CABIN1: variants seen among roughly 807,000 people sequenced by gnomAD.
CABIN1 encodes the protein calcineurin-binding protein cabin-1.
Under a neutral mutation model 227.7 loss-of-function variants are expected in CABIN1, and 133 were observed. The ratio of observed to expected loss-of-function variants is 0.58; its 90% CI spans 0.51 to 0.67. CABIN1 has a LOEUF of 0.67. Ranked by LOEUF, CABIN1 falls within the 30% of genes least tolerant of loss-of-function variation. CABIN1 has a pLI of 0.00. For synonymous variants in CABIN1, 1,086 were observed against 1,155.1 expected (o/e 0.94, Z 1.21); for missense variants, 2,408 against 2,852.5 (o/e 0.84, Z 3.55).
At chr22:24,053,071 CTTTT>C (rs911084108) in intron 8 of CABIN1, among the ~76,000 whole-genome samples, 9 of 146,276 alleles carry the variant, frequency 6.2e-5, no homozygotes, top group African/African-American at 2.3e-4. Context: ...TTTCTTTTTT[CTTTT>C]TTCTTTTTTT....
chr22:24,087,396 C>T, intron 22 of CABIN1, 56 bp from the exon 23 acceptor site: 1 of 1,605,618 alleles, frequency 6.2e-7, no homozygotes, highest in Non-Finnish European at 8.5e-7. Flanking sequence ...CTGTCATTAT[C>T]TTCCATGCTT....
chr22:24,050,057 G>A (rs1337451220), intron 7 of CABIN1, among the ~76,000 whole-genome samples: 1 of 152,096 alleles, frequency 6.6e-6, no homozygotes, highest in East Asian at 1.9e-4. Flanking sequence ...CAGCCCTCCA[G>A]CCCAGCCAAC....
At chr22:24,124,806 G>C (rs569468512) in intron 28 of CABIN1, among the ~76,000 whole-genome samples, 1 of 152,286 alleles carries the variant, frequency 6.6e-6, no homozygotes, top group East Asian at 1.9e-4. Context: ...CTGCTCAGCT[G>C]GGAGCTGAGC....
At position 24,178,254 on chromosome 22, in the gene CABIN1, C is replaced by G. The variant is rs1362271793; in HGVS notation, c.*58C>G. On this transcript the variant is annotated 3_prime_UTR_variant, in exon 37 of 37. Coordinates refer to ENST00000263119, the MANE Select transcript of CABIN1 (RefSeq NM_012295.4). ...GGGACCAGCCAGGCCTGGAATGCCC[C>G]CTGGGCAGGACCCTGGGCAGGACCA... 1.9e-6 allele frequency: 3 copies of G among 1,603,630 alleles called. No homozygotes were observed. Among genetic ancestry groups the G allele is most frequent in the Non-Finnish European group, 2.6e-6 (3 of 1,175,338 alleles).
chr22:24,142,726 C>T lies in CABIN1; in HGVS notation c.4746+8311C>T, dbSNP rs192817526. 4.6e-5 allele frequency among the ~76,000 whole-genome samples: 7 copies of T among 152,312 alleles called. No homozygotes were observed. In the East Asian group the frequency reaches 1.4e-3, roughly 29 times the overall value. On this transcript the variant is annotated intron_variant, in intron 29 of 36. Coordinates refer to ENST00000263119, the MANE Select transcript of CABIN1 (RefSeq NM_012295.4). Reference sequence around the variant, plus strand: ...TGGTCTCCACTCAATTCCTGGTGCCCCACACCACTCCAGGCTGCAAGCAGA... The same window carrying T: ...TGGTCTCCACTCAATTCCTGGTGCCTCACACCACTCCAGGCTGCAAGCAGA...
At chr22:24,029,099 A>G (rs1290107525) in intron 1 of CABIN1, among the ~76,000 whole-genome samples, 2 of 152,198 alleles carry the variant, frequency 1.3e-5, no homozygotes, top group Non-Finnish European at 2.9e-5. Flanking sequence ...GCTCATACCT[A>G]TAACAGCACT....
At chr22:24,160,163 C>G (rs1017616266) in intron 29 of CABIN1, among the ~76,000 whole-genome samples, 2 of 152,150 alleles carry the variant, frequency 1.3e-5, no homozygotes, top group African/African-American at 2.4e-5. Flanking sequence ...TGATTACATA[C>G]TCAGGTTGTC....
At chr22:24,013,007 C>T (rs998520235) in intron 1 of CABIN1, among the ~76,000 whole-genome samples, 2 of 151,734 alleles carry the variant, frequency 1.3e-5, no homozygotes, top group East Asian at 3.9e-4. Context: ...GTGATCCACC[C>T]GCCTCGGCCT....
At position 24,177,623 on chromosome 22, in the gene CABIN1, G is replaced by A; in HGVS notation, c.6325G>A (p.Ala2109Thr). The change falls in exon 36 of 37, where the codon GCC (alanine) becomes ACC (threonine). Residue 2109 changes from alanine (A) to threonine (T), a missense_variant. This residue lies in a region of CABIN1 where 714 missense variants were observed against 773.8 expected (regional missense o/e 0.92). Coordinates refer to ENST00000263119, the MANE Select transcript of CABIN1 (RefSeq NM_012295.4). This position sits in a 1 kb window ranked among gnomAD's most constrained non-coding sequence, Gnocchi z 4.4. Reference sequence around the variant, plus strand: ...CTCCAAGGCCCCCAGCAGTGGGAGTGCCCAGCCACCAGAGGGTCACCCAGG... The same window carrying A: ...CTCCAAGGCCCCCAGCAGTGGGAGTACCCAGCCACCAGAGGGTCACCCAGG... Reference protein sequence around the residue: ...ASSKAPSSGSAQPPEGHPGKP... With the variant: ...ASSKAPSSGSTQPPEGHPGKP... 1 of 1,613,240 alleles carries A rather than the reference G, an allele frequency of 6.2e-7. No homozygotes were observed. Among genetic ancestry groups the A allele is most frequent in the Non-Finnish European group, 8.5e-7 (1 of 1,179,658 alleles).
intron 8 of CABIN1, among the ~76,000 whole-genome samples, chr22:24,054,606 T>C (rs1159845453): frequency 6.6e-6 from 1 of 152,210 alleles, no homozygotes; most frequent in Non-Finnish European, 1.5e-5. Flanking sequence ...CAGGCCAAGA[T>C]GCTTATGGGG....
intron 30 of CABIN1, among the ~76,000 whole-genome samples, chr22:24,165,315 C>T (rs572328149): frequency 6.6e-6 from 1 of 152,346 alleles, no homozygotes; most frequent in South Asian, 2.1e-4. Flanking sequence ...GGCCTAAGGG[C>T]AACAGGCTGG....
chr22:24,121,258 G>A (rs997897117), intron 28 of CABIN1, among the ~76,000 whole-genome samples: 1 of 152,180 alleles, frequency 6.6e-6, no homozygotes, highest in African/African-American at 2.4e-5. Flanking sequence ...GCAGGAAGTG[G>A]CACTTCACAG....
In CABIN1 at chr22:24,035,479, G is replaced by A; in HGVS notation, c.-39G>A. Reference sequence around the variant, plus strand: ...GACTGGGGCAACCTTTGCCAGTGATGAGAAGTGATGCTCGTGGCAGTGCTG... The same window carrying A: ...GACTGGGGCAACCTTTGCCAGTGATAAGAAGTGATGCTCGTGGCAGTGCTG... On this transcript the variant is annotated 5_prime_UTR_variant, in exon 2 of 37. An upstream start codon of the reference 5' UTR is lost. Transcript: ENST00000263119. 6.2e-7 allele frequency: 1 copy of A among 1,614,106 alleles called. No homozygotes were observed.
intron 22 of CABIN1, among the ~76,000 whole-genome samples, chr22:24,085,784 GA>G (rs1460415475): frequency 2.0e-5 from 3 of 152,208 alleles, no homozygotes; most frequent in Non-Finnish European, 4.4e-5. Context: ...ACTTGATTAA[GA>G]GGGAATATTT....
intron 29 of CABIN1, among the ~76,000 whole-genome samples, chr22:24,153,864 C>G (rs917398301): frequency 3.3e-5 from 5 of 152,198 alleles, no homozygotes; most frequent in African/African-American, 4.8e-5. Flanking sequence ...CTCCCCTCTT[C>G]CACCACAGGA....
chr22:24,144,093 G>C (rs1394880398), intron 29 of CABIN1, among the ~76,000 whole-genome samples: 1 of 152,208 alleles, frequency 6.6e-6, no homozygotes, highest in Non-Finnish European at 1.5e-5. Flanking sequence ...CTTTGAACAA[G>C]GTGCAGAAGC....
chr22:24,029,635 T>A (rs2036350461), intron 1 of CABIN1, among the ~76,000 whole-genome samples: 1 of 152,170 alleles, frequency 6.6e-6, no homozygotes, highest in Non-Finnish European at 1.5e-5. Context: ...TCCCAATGTG[T>A]CCATTATTCT....
rs377031956 is a variant in CABIN1 at position 24,084,641 on chromosome 22, T to C, written c.2973T>C (p.Pro991=). 1.9e-5 allele frequency: 30 copies of C among 1,614,094 alleles called. No individual in the cohort carries two copies. The African/African-American group carries it at 3.9e-4, about 21-fold the overall frequency. ...AGTATTTTAAGCCCAAGACCCTTCC[T>C]GAATTTGACAGCTATAAGACCAGCA... ...MFEYFKPKTL[P]EFDSYKTSTV... is the part of the protein sequence containing the mutation. Residue 991 remains proline, a synonymous_variant, in exon 21 of 37, where the codon CCT becomes CCC. Coordinates refer to ENST00000263119, the MANE Select transcript of CABIN1 (RefSeq NM_012295.4).
intron 15 of CABIN1, among the ~76,000 whole-genome samples, chr22:24,065,143 G>A (rs2039535485): frequency 6.6e-6 from 1 of 151,002 alleles, no homozygotes; most frequent in African/African-American, 2.4e-5. Context: ...GCCGGGCGGG[G>A]GCTGACCCCC....
Sources: gnomAD v4.1 joint callset for allele counts (sites outside exome capture counted in the v4.1 genomes callset) on GRCh38, gnomAD v4.1.1 for gene constraint, gnomAD v4.1.1 regional missense constraint, Gnocchi (gnomAD v3.1) non-coding constraint, MANE v1.5 for transcripts, NCBI Gene and HGNC (gene_info 2026-07-23, HGNC 2026-07-21) for gene names.